The following CERKL variants were observed in gnomAD, a reference collection of about 807,000 sequenced individuals.
CERKL encodes the protein ceramide kinase-like protein.
In CERKL, 61 loss-of-function variants were observed where a neutral mutation model predicts 63.4. The ratio of observed to expected loss-of-function variants is 0.96; its 90% CI spans 0.78 to 1.19. The LOEUF is 1.19. Among genes scored for constraint, CERKL ranks in the 50% most tolerant of loss-of-function variants. CERKL has a pLI of 0.00. For synonymous variants in CERKL, 250 were observed against 230.5 expected (o/e 1.08, Z -0.77); for missense variants, 675 against 655.5 (o/e 1.03, Z -0.33).
chr2:181,626,022 C>T (rs963180951), intron 1 of CERKL, among the ~76,000 whole-genome samples: 1 of 151,904 alleles, frequency 6.6e-6, no homozygotes, highest in Non-Finnish European at 1.5e-5. Context: ...ATTATGATCC[C>T]ATTTTACAGA....
chr2:181,537,739 TAAAA>T lies in CERKL; in HGVS notation c.*441_*444del, dbSNP rs748981170. 2.3e-6 allele frequency: 1 copy of T among 440,922 alleles called. No homozygotes were observed. Among genetic ancestry groups the T allele is most frequent in the East Asian group, 7.0e-5 (1 of 14,254 alleles). The allele number at this position is 440,922 out of a possible 1,614,324, so 27.3% of individuals were successfully genotyped here. A position where few individuals can be genotyped will look rare whatever the true frequency, so the allele number is the denominator to read the frequency against. On this transcript the variant is annotated 3_prime_UTR_variant, in exon 13 of 13. Coordinates refer to ENST00000410087, the MANE Select transcript of CERKL (RefSeq NM_201548.5). Reference sequence around the variant, plus strand: ...TTTTGTGTGTCCAATAAACACATTGTAAAAAAAAGAATTTGAATTGATATCTAAA... The same window carrying T: ...TTTTGTGTGTCCAATAAACACATTGTAAAAGAATTTGAATTGATATCTAAA...
At chr2:181,651,254 C>T (rs1317411085) in intron 1 of CERKL, among the ~76,000 whole-genome samples, 1 of 152,172 alleles carries the variant, frequency 6.6e-6, no homozygotes, top group African/African-American at 2.4e-5. Flanking sequence ...CCCTGATGAA[C>T]ATAGGTGCAA....
chr2:181,544,667 T>C (rs780944999), intron 11 of CERKL, 33 bp downstream of exon 11: 1 of 1,260,558 alleles, frequency 7.9e-7, no homozygotes, highest in East Asian at 2.3e-5. Flanking sequence ...ATTAATAGCT[T>C]TGCAAATAAG....
At chr2:181,589,152 A>G (rs1684885653) in intron 2 of CERKL, among the ~76,000 whole-genome samples, 1 of 152,114 alleles carries the variant, frequency 6.6e-6, no homozygotes, top group Non-Finnish European at 1.5e-5. Flanking sequence ...AATGATTGCC[A>G]GACTTAAATA....
At position 181,539,064 on chromosome 2, in the gene CERKL, C is replaced by T. The variant is rs1687355990; in HGVS notation, c.1538+28G>A. 2.0e-5 allele frequency: 16 copies of T among 793,758 alleles called. 1 individual carries two copies. Among genetic ancestry groups the T allele is most frequent in the Non-Finnish European group, 2.8e-5 (16 of 568,010 alleles). 49.2% of individuals were successfully genotyped at this position (793,758 alleles called of 1,614,324 possible). On this transcript the variant is annotated intron_variant, in intron 12 of 12. Coordinates refer to ENST00000410087, the MANE Select transcript of CERKL (RefSeq NM_201548.5). ...TATTAGATTTATGTTTACTGGTTGA[C>T]AATAAGCGGTGAAATAAATAGACTT...
chr2:181,656,913 GC>G lies in CERKL; in HGVS notation c.93del (p.Leu32CysfsTer2). ...TCCGTCTGCTGCGGGGACGTTAACA[GC>G]GCCGGAGGCACAGCGGCAGCCTCCG... The part of the protein sequence containing the change: ...APPEAAAVPP[A>X]LLTSPQQTEA... On this transcript the variant is annotated frameshift_variant, in exon 1 of 13. Coordinates refer to ENST00000410087, the MANE Select transcript of CERKL (RefSeq NM_201548.5). LOFTEE classifies it high-confidence loss of function. The G allele has an allele frequency of 6.2e-7, 1 of 1,601,218 alleles. No individual in the cohort carries two copies. The highest frequency in any genetic ancestry group is 1.1e-5 in the South Asian group (1 of 90,490).
At chr2:181,605,955 A>G (rs899820667) in intron 1 of CERKL, among the ~76,000 whole-genome samples, 2 of 151,862 alleles carry the variant, frequency 1.3e-5, no homozygotes, top group Non-Finnish European at 1.5e-5. Context: ...GCCTCTCCCA[A>G]CTATTCTGCA....
intron 1 of CERKL, among the ~76,000 whole-genome samples, chr2:181,653,211 ACACCTCACT>A (rs1688012130): frequency 6.6e-6 from 1 of 152,248 alleles, no homozygotes; most frequent in Non-Finnish European, 1.5e-5. Context: ...ACAATTAGAT[ACACCTCACT>A]CCAGTTAGAA....
intron 5 of CERKL, among the ~76,000 whole-genome samples, chr2:181,556,605 G>T (rs1688216954): frequency 6.6e-6 from 1 of 152,060 alleles, no homozygotes; most frequent in South Asian, 2.1e-4. Context: ...AGTATTCCAT[G>T]GTGTATATAT....
At chr2:181,626,659 G>GTTA (rs1055746304) in intron 1 of CERKL, among the ~76,000 whole-genome samples, 14 of 152,214 alleles carry the variant, frequency 9.2e-5, no homozygotes, top group African/African-American at 3.4e-4. Context: ...TCAAGGTACT[G>GTTA]TTAGATACAT....
At chr2:181,603,773 T>C (rs1288280931) in intron 2 of CERKL, 64 bp downstream of exon 2, 1 of 1,507,646 alleles carries the variant, frequency 6.6e-7, no homozygotes, top group Non-Finnish European at 9.2e-7. Context: ...TCAAAACATG[T>C]CTAGATTAAT....
chr2:181,623,189 T>A (rs1490659459), intron 1 of CERKL, among the ~76,000 whole-genome samples: 1 of 152,230 alleles, frequency 6.6e-6, no homozygotes, highest in Non-Finnish European at 1.5e-5. Flanking sequence ...ATCTTTTAGA[T>A]TGAAATAGTG....
rs770167336 is a variant in CERKL at position 181,547,608 on chromosome 2, GCTTA to G, written c.1268+6_1268+9del. On this transcript the variant is annotated splice_donor_region_variant and intron_variant, in intron 10 of 12. Coordinates refer to ENST00000410087, the MANE Select transcript of CERKL (RefSeq NM_201548.5). ...AATGTATCAACAATTCAATAAAAAT[GCTTA>G]CTAACCTGGTATTAGGTGCCAAGCC... 6.2e-7 allele frequency: 1 copy of G among 1,606,622 alleles called. No homozygotes were observed. Among genetic ancestry groups the G allele is most frequent in the Non-Finnish European group, 8.5e-7 (1 of 1,173,282 alleles).
chr2:181,554,613 C>T (rs1318800473), intron 5 of CERKL, among the ~76,000 whole-genome samples: 1 of 152,070 alleles, frequency 6.6e-6, no homozygotes, highest in East Asian at 1.9e-4. Context: ...CACCAGTTCC[C>T]ATAGCAACAA....
chr2:181,583,570 G>C (rs1684630928), intron 2 of CERKL, among the ~76,000 whole-genome samples: 1 of 152,196 alleles, frequency 6.6e-6, no homozygotes, highest in African/African-American at 2.4e-5. Flanking sequence ...ATCGGATAGT[G>C]GTACAGCAGT....
intron 1 of CERKL, among the ~76,000 whole-genome samples, chr2:181,626,838 T>C (rs1574512798): frequency 6.6e-6 from 1 of 152,362 alleles, no homozygotes; most frequent in East Asian, 1.9e-4. Flanking sequence ...AGTATCTGGC[T>C]CTTGCCTTTG....
intron 8 of CERKL, chr2:181,548,069 T>A: frequency 1.6e-6 from 1 of 607,228 alleles, no homozygotes; most frequent in Non-Finnish European, 2.9e-6. Flanking sequence ...GGAATAATAA[T>A]GTACTATTTC....
chr2:181,578,756 C>G (rs575796566), intron 2 of CERKL, among the ~76,000 whole-genome samples: 1 of 152,152 alleles, frequency 6.6e-6, no homozygotes, highest in Non-Finnish European at 1.5e-5. Flanking sequence ...CCATCTCACT[C>G]TATCTAAAGC....
chr2:181,643,720 C>G (rs1197287755), intron 1 of CERKL, among the ~76,000 whole-genome samples: 1 of 152,194 alleles, frequency 6.6e-6, no homozygotes, highest in Admixed American at 6.5e-5. Flanking sequence ...TGAGATAGCA[C>G]TGTGAGCATT....
Sources: gnomAD v4.1 joint callset for allele counts (sites outside exome capture counted in the v4.1 genomes callset) on GRCh38, gnomAD v4.1.1 for gene constraint, MANE v1.5 for transcripts, NCBI Gene and HGNC (gene_info 2026-07-23, HGNC 2026-07-21) for gene names.